FAM171B: variants seen among roughly 807,000 people sequenced by gnomAD.
FAM171B encodes the protein family with sequence similarity 171 member B, also known as protein FAM171B.
FAM171B carries 19 observed loss-of-function variants against 75.6 expected under a neutral mutation model. That is an observed-to-expected ratio of 0.25 (90% confidence interval 0.18 to 0.37). The LOEUF (loss-of-function observed/expected upper bound fraction) is 0.37, where lower values mean the gene tolerates loss of function less well. FAM171B is among the 10% of genes least tolerant of loss of function. The pLI, the probability that FAM171B is intolerant of heterozygous loss-of-function variation, is 1.00. For missense variants in FAM171B, 848 were observed against 982.4 expected, an observed-to-expected ratio of 0.86 and a Z score of 1.83; for synonymous variants, 367 against 361.7, an observed-to-expected ratio of 1.01 and a Z score of -0.17.
rs771758543 is a variant in FAM171B at position 186,754,038 on chromosome 2, C to T, written c.1001C>T (p.Pro334Leu). 3.1e-6 allele frequency: 5 copies of T among 1,597,610 alleles called. No homozygotes were observed. Among genetic ancestry groups the T allele is most frequent in the South Asian group, 2.3e-5 (2 of 88,498 alleles). The change falls in exon 6 of 8, where the codon CCA becomes CTA. Residue 334 changes from proline to leucine, a missense_variant. Transcript: ENST00000304698. ...GGGTACTGGATAGCAGCTCCACTTC[C>T]AGGAACTAGAGGTATTGTAAAAAAT... Reference protein sequence around the residue: ...HLGYWIAAPLPGTRGSGINED... With the variant: ...HLGYWIAAPLLGTRGSGINED...
Position 186,762,918 on chromosome 2 carries a change from A to G in FAM171B, c.*95A>G. The stretch of plus-strand genomic sequence containing the variant: ...GAACTTAAGAAAATGAGACTGAGCA[A>G]TCTCATGGTTCTTGGACATGTCTCA... On this transcript the variant is annotated 3_prime_UTR_variant, in exon 8 of 8. Transcript: ENST00000304698. This position sits in a 1 kb window ranked among gnomAD's most constrained non-coding sequence, Gnocchi z 4.0. 3 of 1,417,004 alleles carry G rather than the reference A, an allele frequency of 2.1e-6. No homozygotes were observed. The highest frequency in any genetic ancestry group is 2.9e-6 in the Non-Finnish European group (3 of 1,042,354). 87.8% of individuals were successfully genotyped at this position (1,417,004 alleles called of 1,614,324 possible).
At chr2:186,725,161 G>A (rs1028565354) in intron 1 of FAM171B, among the ~76,000 whole-genome samples, 4 of 150,660 alleles carry the variant, frequency 2.7e-5, no homozygotes, top group Non-Finnish European at 5.9e-5. Flanking sequence ...TGGCTAACAC[G>A]GTGAAACCCT....
chr2:186,714,787 G>A (rs181175019), intron 1 of FAM171B, among the ~76,000 whole-genome samples: 2 of 152,298 alleles, frequency 1.3e-5, no homozygotes, highest in Admixed American at 1.3e-4. Context: ...TTCCTGAATA[G>A]TTAGGCCAAT....
At chr2:186,733,310 C>G (rs1458066225) in intron 1 of FAM171B, among the ~76,000 whole-genome samples, 1 of 152,196 alleles carries the variant, frequency 6.6e-6, no homozygotes, top group Non-Finnish European at 1.5e-5. Context: ...CAGTTAGAGC[C>G]AATTTATCAA....
chr2:186,704,686 C>T (rs1689710369), intron 1 of FAM171B, among the ~76,000 whole-genome samples: 1 of 152,170 alleles, frequency 6.6e-6, no homozygotes, highest in African/African-American at 2.4e-5. Flanking sequence ...ACTTTCACTA[C>T]CAACTGCTTC....
intron 1 of FAM171B, among the ~76,000 whole-genome samples, chr2:186,697,890 A>G (rs1052409086): frequency 6.6e-6 from 1 of 152,170 alleles, no homozygotes; most frequent in African/African-American, 2.4e-5. Context: ...TTGAATGTGA[A>G]CATTTTTTAA....
intron 1 of FAM171B, among the ~76,000 whole-genome samples, chr2:186,715,227 AGTTTTGCTCTGTCAACCAGGTTGAAGT>A (rs1438166815): frequency 6.6e-5 from 10 of 151,866 alleles, no homozygotes; most frequent in Non-Finnish European, 1.3e-4. Flanking sequence ...TTGAGACTTG[AGTTTTGCTCTGTCAACCAGGTTGAAGT>A]GTAAGTGGCA....
chr2:186,725,212 C>T (rs942450222), intron 1 of FAM171B, among the ~76,000 whole-genome samples: 3 of 151,902 alleles, frequency 2.0e-5, no homozygotes, highest in Non-Finnish European at 4.4e-5. Flanking sequence ...GGCGTGGTGG[C>T]AGGCACCTGT....
chr2:186,727,716 A>G (rs901068624), intron 1 of FAM171B, among the ~76,000 whole-genome samples: 8 of 152,174 alleles, frequency 5.3e-5, no homozygotes, highest in African/African-American at 1.9e-4. Flanking sequence ...AGGATTTTGA[A>G]TGCTAGCCTA....
At chr2:186,746,348 A>C in intron 3 of FAM171B, among the ~76,000 whole-genome samples, 1 of 152,206 alleles carries the variant, frequency 6.6e-6, no homozygotes, top group East Asian at 1.9e-4. Flanking sequence ...TACCCACTTA[A>C]GTATGTGGCT....
At chr2:186,757,739 C>T (rs1690553033) in intron 6 of FAM171B, among the ~76,000 whole-genome samples, 1 of 152,144 alleles carries the variant, frequency 6.6e-6, no homozygotes, top group Admixed American at 6.6e-5. Context: ...CATGCATGCA[C>T]ACACATGCAC....
At chr2:186,737,617 C>T (rs929894696) in intron 1 of FAM171B, among the ~76,000 whole-genome samples, 1 of 152,220 alleles carries the variant, frequency 6.6e-6, no homozygotes, top group Non-Finnish European at 1.5e-5. Context: ...GCTGGGATTA[C>T]AGGCATGAGC....
Position 186,733,412 on chromosome 2 carries a change from C to G in FAM171B, c.239-6816C>G, listed in dbSNP as rs998164250. ...ATTTATTACTCAAATCAGTCTCCCC[C>G]AAGAATTTGGAGGTTTTTCAAAGAT... is the stretch of plus-strand genomic sequence containing the variant. On this transcript the variant is annotated intron_variant, in intron 1 of 7. Transcript: ENST00000304698. Among the ~76,000 whole-genome samples, 5 of 152,298 alleles carry G rather than the reference C, an allele frequency of 3.3e-5. No individual in the cohort carries two copies. In the South Asian group the frequency reaches 1.0e-3, roughly 32 times the overall value.
intron 4 of FAM171B, among the ~76,000 whole-genome samples, chr2:186,748,214 C>T (rs1460379003): frequency 2.0e-5 from 3 of 152,098 alleles, no homozygotes; most frequent in Admixed American, 6.5e-5. Flanking sequence ...TGAGCCACCT[C>T]GCCAGGCCTG....
intron 1 of FAM171B, among the ~76,000 whole-genome samples, chr2:186,698,608 G>C (rs1689613392): frequency 6.6e-6 from 1 of 151,930 alleles, no homozygotes; most frequent in African/African-American, 2.4e-5. Context: ...ATCACATCAG[G>C]GTAAACATTT....
chr2:186,751,334 T>C, intron 5 of FAM171B, 30 bp downstream of exon 5: 1 of 1,466,706 alleles, frequency 6.8e-7, no homozygotes, highest in Non-Finnish European at 9.1e-7. Flanking sequence ...ATAGTCTGAA[T>C]ATTTTACATA....
chr2:186,703,138 G>T (rs1378337093), intron 1 of FAM171B, among the ~76,000 whole-genome samples: 2 of 151,764 alleles, frequency 1.3e-5, no homozygotes, highest in East Asian at 3.9e-4. Flanking sequence ...GGAGTGCAGT[G>T]GTGCAGTCTC....
chr2:186,728,202 T>G (rs1215710262), intron 1 of FAM171B, among the ~76,000 whole-genome samples: 2 of 152,212 alleles, frequency 1.3e-5, no homozygotes, highest in African/African-American at 4.8e-5. Context: ...GTGTCATTTT[T>G]TGATACTTAG....
intron 1 of FAM171B, among the ~76,000 whole-genome samples, chr2:186,714,233 G>T (rs921369712): frequency 1.4e-4 from 22 of 151,996 alleles, no homozygotes; most frequent in African/African-American, 5.3e-4. Context: ...TGGAGGCAGC[G>T]GATTGATTAA....
Sources: gnomAD v4.1 joint callset for allele counts (sites outside exome capture counted in the v4.1 genomes callset) on GRCh38, gnomAD v4.1.1 for gene constraint, Gnocchi (gnomAD v3.1) non-coding constraint, MANE v1.5 for transcripts, NCBI Gene and HGNC (gene_info 2026-07-23, HGNC 2026-07-21) for gene names.